The following GRIP1 variants were observed in gnomAD, a reference collection of about 807,000 sequenced individuals.
GRIP1 encodes glutamate receptor-interacting protein 1.
A neutral mutation model predicts 129.9 loss-of-function variants in GRIP1; 45 were observed. That is an observed-to-expected ratio of 0.35 (90% confidence interval 0.27 to 0.44). GRIP1 has a LOEUF of 0.44. Among genes scored for constraint, GRIP1 ranks in the 20% least tolerant of loss-of-function variants. The pLI is 1.00. For synonymous variants in GRIP1, 530 were observed against 520.8 expected (o/e 1.02, Z -0.24); for missense variants, 1,196 against 1,396.8 (o/e 0.86, Z 2.29).
At chr12:66,642,506 C>G (rs182686726) in intron 1 of GRIP1, among the ~76,000 whole-genome samples, 1 of 152,030 alleles carries the variant, frequency 6.6e-6, no homozygotes, top group Non-Finnish European at 1.5e-5. Context: ...ATTAAAGAGT[C>G]GGAGCCTTAT....
intron 1 of GRIP1, among the ~76,000 whole-genome samples, chr12:66,784,200 T>A (rs531651893): frequency 6.6e-6 from 1 of 152,250 alleles, no homozygotes; most frequent in East Asian, 1.9e-4. Flanking sequence ...GATCACTTTA[T>A]CCAGCTATAC....
At chr12:66,943,579 G>C (rs2041621568) in intron 1 of GRIP1, among the ~76,000 whole-genome samples, 1 of 152,174 alleles carries the variant, frequency 6.6e-6, no homozygotes, top group South Asian at 2.1e-4. Context: ...AGGAAAGAAA[G>C]GCAGTATGCA....
At chr12:66,723,287 T>C (rs370920714) in intron 1 of GRIP1, among the ~76,000 whole-genome samples, 1,337 of 13,070 alleles carry the variant, frequency 0.1, 22 homozygotes, top group East Asian at 0.25. Context: ...TTCCTTCCTT[T>C]CTTTCTTTCT....
At chr12:66,958,561 A>C (rs1172186483) in intron 1 of GRIP1, among the ~76,000 whole-genome samples, 3 of 152,220 alleles carry the variant, frequency 2.0e-5, no homozygotes, top group African/African-American at 7.2e-5. Context: ...GAATGGTATT[A>C]GGAACCAAAA....
intron 1 of GRIP1, among the ~76,000 whole-genome samples, chr12:66,920,290 C>T (rs1397671191): frequency 6.6e-6 from 1 of 152,086 alleles, no homozygotes; most frequent in South Asian, 2.1e-4. Context: ...TGTACTTCCT[C>T]GTGCTTTTAC....
chr12:66,546,301 C>G (rs929959354), intron 2 of GRIP1, among the ~76,000 whole-genome samples: 4 of 151,002 alleles, frequency 2.6e-5, no homozygotes, highest in African/African-American at 9.8e-5. Flanking sequence ...AGCAGCAACA[C>G]AGTGAGATCT....
At chr12:66,676,614 T>C (rs1463753928) in intron 1 of GRIP1, among the ~76,000 whole-genome samples, 2 of 151,854 alleles carry the variant, frequency 1.3e-5, no homozygotes, top group African/African-American at 2.4e-5. Context: ...GCTAAATGTC[T>C]GGAAGAGTGA....
At chr12:66,985,323 T>G (rs180963654) in intron 1 of GRIP1, among the ~76,000 whole-genome samples, 1 of 152,134 alleles carries the variant, frequency 6.6e-6, no homozygotes, top group African/African-American at 2.4e-5. Flanking sequence ...ATGCGATATA[T>G]TGTGGCAGCT....
intron 1 of GRIP1, among the ~76,000 whole-genome samples, chr12:66,909,497 A>C (rs1251622765): frequency 6.6e-6 from 1 of 152,260 alleles, no homozygotes; most frequent in Non-Finnish European, 1.5e-5. Context: ...ATTTCAACAA[A>C]GATGTTTTCA....
chr12:66,818,736 A>ATAC (rs1472487550), intron 1 of GRIP1, among the ~76,000 whole-genome samples: 1 of 152,160 alleles, frequency 6.6e-6, no homozygotes, highest in South Asian at 2.1e-4. Flanking sequence ...GGCAAAGAAT[A>ATAC]TACTACTACT....
chr12:66,626,209 G>A (rs11176334), intron 1 of GRIP1, among the ~76,000 whole-genome samples: 1,995 of 151,970 alleles, frequency 0.013, 22 homozygotes, highest in Non-Finnish European at 0.02. Flanking sequence ...CTATAGTGGC[G>A]TGCACCTGTG....
chr12:66,399,071 G>A (rs547869698), intron 16 of GRIP1, among the ~76,000 whole-genome samples: 3 of 151,932 alleles, frequency 2.0e-5, no homozygotes, highest in Admixed American at 6.5e-5. Context: ...AGAGTATTGC[G>A]AGTCAGCTTC....
At chr12:66,353,054 C>G (rs1565656969) in intron 24 of GRIP1, among the ~76,000 whole-genome samples, 1 of 152,124 alleles carries the variant, frequency 6.6e-6, no homozygotes, top group Non-Finnish European at 1.5e-5. Flanking sequence ...ATGTAGAAGA[C>G]AAGTGGTAGG....
At chr12:66,510,062 T>C (rs1379835672) in intron 7 of GRIP1, among the ~76,000 whole-genome samples, 1 of 152,218 alleles carries the variant, frequency 6.6e-6, no homozygotes, top group Non-Finnish European at 1.5e-5. Flanking sequence ...TCAACCATAT[T>C]GAAGTGGAAG....
At chr12:66,807,399 C>T (rs573939536), upstream of GRIP1, among the ~76,000 whole-genome samples, 8 of 152,172 alleles carry the variant, frequency 5.3e-5, no homozygotes, top group South Asian at 1.0e-3. Context: ...CCTGGCCAGG[C>T]GCGGTGGCTC....
At chr12:66,394,021 T>C (rs1375668364) in intron 17 of GRIP1, among the ~76,000 whole-genome samples, 187 bp downstream of exon 17, 2 of 152,222 alleles carry the variant, frequency 1.3e-5, no homozygotes, top group African/African-American at 4.8e-5. Flanking sequence ...TTTTACTGCC[T>C]GTAAGATGCC....
intron 13 of GRIP1, among the ~76,000 whole-genome samples, chr12:66,437,768 T>G (rs1240740218): frequency 6.6e-6 from 1 of 152,244 alleles, no homozygotes. Flanking sequence ...TGTTCTACAG[T>G]GCACACAATG....
chr12:66,950,288 G>A (rs1205911478), intron 1 of GRIP1, among the ~76,000 whole-genome samples: 6 of 152,204 alleles, frequency 3.9e-5, no homozygotes, highest in Non-Finnish European at 8.8e-5. Flanking sequence ...ATGCTAGCTA[G>A]TGTACAATTT....
chr12:66,577,295 T>C (rs898609287), intron 2 of GRIP1, among the ~76,000 whole-genome samples: 1 of 152,110 alleles, frequency 6.6e-6, no homozygotes, highest in African/African-American at 2.4e-5. Context: ...TAAGGAATGC[T>C]CAACAGAGAT....
Sources: gnomAD v4.1 joint callset for allele counts (sites outside exome capture counted in the v4.1 genomes callset) on GRCh38, gnomAD v4.1.1 for gene constraint, MANE v1.5 for transcripts, NCBI Gene and HGNC (gene_info 2026-07-23, HGNC 2026-07-21) for gene names.